Variants in MIA2 observed in about 807,000 individuals in gnomAD.
MIA2 encodes melanoma inhibitory activity protein 2.
In MIA2, 127 loss-of-function variants were observed where a neutral mutation model predicts 167.8. The observed-to-expected ratio is 0.76, with a 90% confidence interval of 0.66 to 0.88. The LOEUF (loss-of-function observed/expected upper bound fraction) is 0.88, where lower values mean the gene tolerates loss of function less well. MIA2 is among the 40% of genes least tolerant of loss of function. MIA2 has a pLI of 0.00. For missense variants in MIA2, 1,690 were observed against 1,624.7 expected, an observed-to-expected ratio of 1.04 and a Z score of -0.69; for synonymous variants, 552 against 541.9, an observed-to-expected ratio of 1.02 and a Z score of -0.26.
chr14:39,334,186 C>T (rs1207966412), intron 25 of MIA2, among the ~76,000 whole-genome samples: 1 of 152,166 alleles, frequency 6.6e-6, no homozygotes, highest in East Asian at 1.9e-4. Context: ...TAAATAGTCA[C>T]TGAACAGGCC....
chr14:39,255,635 A>C (rs1178762139), intron 6 of MIA2, among the ~76,000 whole-genome samples: 1 of 152,218 alleles, frequency 6.6e-6, no homozygotes, highest in Non-Finnish European at 1.5e-5. Flanking sequence ...CATGGAATTA[A>C]TTCTACTTTT....
intron 25 of MIA2, among the ~76,000 whole-genome samples, chr14:39,345,058 T>C (rs1464671520): frequency 1.2e-5 from 1 of 86,814 alleles, no homozygotes; most frequent in East Asian, 3.1e-4. Context: ...CCATTTAGTT[T>C]GTTTTTTATT....
At chr14:39,344,186 T>A (rs927816277) in intron 25 of MIA2, among the ~76,000 whole-genome samples, 1 of 152,212 alleles carries the variant, frequency 6.6e-6, no homozygotes, top group African/African-American at 2.4e-5. Flanking sequence ...GTAGTAAATT[T>A]ATAACAAAAT....
intron 6 of MIA2, among the ~76,000 whole-genome samples, chr14:39,274,576 C>T (rs1412188291): frequency 2.7e-5 from 4 of 150,920 alleles, no homozygotes; most frequent in Non-Finnish European, 5.9e-5. Context: ...CAGGCTTACG[C>T]CACCATGCCC....
At chr14:39,369,207 T>C (rs898130785) in intron 23 of MIA2, among the ~76,000 whole-genome samples, 3 of 152,150 alleles carry the variant, frequency 2.0e-5, no homozygotes, top group African/African-American at 7.2e-5. Context: ...GGGTTTGCCT[T>C]GGGTTGAGCA....
intron 25 of MIA2, among the ~76,000 whole-genome samples, chr14:39,327,454 T>C (rs991441632): frequency 2.0e-5 from 3 of 152,324 alleles, no homozygotes; most frequent in Admixed American, 1.3e-4. Flanking sequence ...GTTGTACCAT[T>C]CATCCTCTTT....
chr14:39,343,738 G>A (rs987502729), intron 25 of MIA2, among the ~76,000 whole-genome samples: 1 of 152,040 alleles, frequency 6.6e-6, no homozygotes, highest in Non-Finnish European at 1.5e-5. Context: ...GTTCAGTTCA[G>A]TCTTTAATTG....
chr14:39,344,969 G>T (rs1325363850), intron 25 of MIA2, among the ~76,000 whole-genome samples: 4 of 152,222 alleles, frequency 2.6e-5, no homozygotes, highest in African/African-American at 7.2e-5. Context: ...ACTTGAGATA[G>T]TTGGTGTCCA....
downstream of MIA2, among the ~76,000 whole-genome samples, chr14:39,353,537 C>A (rs914283351): frequency 2.6e-5 from 4 of 152,140 alleles, no homozygotes; most frequent in Non-Finnish European, 5.9e-5. Flanking sequence ...TTTTTTATGA[C>A]TGAATAGTAT....
At chr14:39,348,657 A>G in intron 27 of MIA2, 86 bp from the exon 28 acceptor site, 1 of 1,536,450 alleles carries the variant, frequency 6.5e-7, no homozygotes, top group Admixed American at 1.7e-5. Flanking sequence ...CTTTCTGTCT[A>G]GATGATTTCT....
intron 6 of MIA2, 57 bp downstream of exon 6, chr14:39,253,228 A>G (rs1419515691): frequency 6.3e-7 from 1 of 1,590,886 alleles, no homozygotes; most frequent in East Asian, 2.2e-5. Context: ...TAAATATAAG[A>G]GTGGCTACAA....
chr14:39,258,861 T>A (rs2054939708), intron 6 of MIA2, among the ~76,000 whole-genome samples: 1 of 152,194 alleles, frequency 6.6e-6, no homozygotes, highest in Admixed American at 6.5e-5. Flanking sequence ...TCTGCTGCAG[T>A]TTGCTGGAGG....
rs2073919603 is a variant in MIA2 at position 39,348,698 on chromosome 14, G to A, written c.3838-45G>A. The stretch of plus-strand genomic sequence containing the variant: ...GCCTGAGATTTTCGGGAAAATGATT[G>A]CAAATTTACTGTTTTAGTGACTGCC... On this transcript the variant is annotated intron_variant, in intron 27 of 28. Transcript: ENST00000640607. 4 of 1,605,098 alleles carry A rather than the reference G, an allele frequency of 2.5e-6. No individual in the cohort carries two copies. The South Asian group carries it at 4.4e-5, about 18-fold the overall frequency.
chr14:39,289,340 G>A (rs767635992), intron 9 of MIA2, among the ~76,000 whole-genome samples: 21 of 151,698 alleles, frequency 1.4e-4, no homozygotes, highest in African/African-American at 4.1e-4. Flanking sequence ...TCAGCCTCTC[G>A]AATAGCTGGG....
At chr14:39,307,711 CA>C (rs1398177092) in intron 17 of MIA2, among the ~76,000 whole-genome samples, 33 of 152,090 alleles carry the variant, frequency 2.2e-4, no homozygotes, top group Admixed American at 7.2e-4. Flanking sequence ...AAAATTAAAA[CA>C]ATTTATATAG....
chr14:39,237,328 C>G, intron 2 of MIA2: 3 of 400,114 alleles, frequency 7.5e-6, no homozygotes, highest in South Asian at 6.5e-5. Context: ...GCATTTCACT[C>G]TGTTGCCCAG....
exon 24 of MIA2, chr14:39,387,914 T>C (rs1328396020): frequency 2.0e-5 from 3 of 152,192 alleles, no homozygotes; most frequent in African/African-American, 7.2e-5. Context: ...TTTTTAGCAA[T>C]ATTTTAAAAG....
At chr14:39,258,929 A>T (rs2054943719) in intron 6 of MIA2, among the ~76,000 whole-genome samples, 1 of 152,188 alleles carries the variant, frequency 6.6e-6, no homozygotes, top group African/African-American at 2.4e-5. Flanking sequence ...AACAGCAAAG[A>T]CTGCTGTCTG....
chr14:39,339,396 A>C (rs2153045221), intron 25 of MIA2, among the ~76,000 whole-genome samples: 1 of 152,278 alleles, frequency 6.6e-6, no homozygotes, highest in South Asian at 2.1e-4. Flanking sequence ...TAGTTTGAAA[A>C]TTGTTGGCAT....
Sources: allele counts gnomAD v4.1 joint callset (sites outside exome capture counted in the v4.1 genomes callset), GRCh38; gene constraint gnomAD v4.1.1; transcripts MANE v1.5; gene names NCBI Gene and HGNC (gene_info 2026-07-23, HGNC 2026-07-21).